Variants in TRDN observed in about 807,000 individuals in gnomAD.
TRDN encodes the protein triadin, also known as triadin in skeletal muscle.
TRDN carries 161 observed loss-of-function variants against 149.7 expected under a neutral mutation model. That is an observed-to-expected ratio of 1.08 (90% CI 0.95 to 1.23). The LOEUF (loss-of-function observed/expected upper bound fraction) is 1.23, where lower values mean the gene tolerates loss of function less well. Ranked by LOEUF, TRDN falls within the 50% of genes most tolerant of loss-of-function variation. TRDN has a pLI of 0.00. For missense variants in TRDN, 896 were observed against 823.5 expected, an observed-to-expected ratio of 1.09 and a Z score of -1.08; for synonymous variants, 294 against 250.5, an observed-to-expected ratio of 1.17 and a Z score of -1.64.
At chr6:123,511,811 A>G (rs1347615122) in intron 7 of TRDN, among the ~76,000 whole-genome samples, 1 of 136,776 alleles carries the variant, frequency 7.3e-6, no homozygotes, top group Admixed American at 7.1e-5. Context: ...ACTTGGAGGC[A>G]GAATTCATAT....
intron 12 of TRDN, 33 bp from the exon 13 acceptor site, chr6:123,393,710 G>C (rs1160300788): frequency 6.4e-7 from 1 of 1,569,214 alleles, no homozygotes; most frequent in Admixed American, 1.8e-5. Context: ...TTACCATGAA[G>C]TATGATTTTG....
chr6:123,432,006 A>G (rs1176880383), intron 12 of TRDN, among the ~76,000 whole-genome samples: 4 of 152,166 alleles, frequency 2.6e-5, no homozygotes, highest in Non-Finnish European at 5.9e-5. Flanking sequence ...TATTTGCCAC[A>G]TACAGTAATT....
intron 5 of TRDN, among the ~76,000 whole-genome samples, chr6:123,526,036 A>G (rs1258296981): frequency 1.3e-5 from 2 of 152,022 alleles, no homozygotes. Flanking sequence ...AGTTTGTGGT[A>G]ATTTGTTACA....
intron 19 of TRDN, among the ~76,000 whole-genome samples, chr6:123,374,189 C>T (rs993109894): frequency 6.6e-6 from 1 of 152,074 alleles, no homozygotes; most frequent in African/African-American, 2.4e-5. Flanking sequence ...TGCTAATTTC[C>T]TGCAAAATAT....
intron 20 of TRDN, among the ~76,000 whole-genome samples, chr6:123,356,639 T>C (rs1400656344): frequency 1.3e-5 from 2 of 149,170 alleles, no homozygotes; most frequent in African/African-American, 4.9e-5. Flanking sequence ...TCTGGAAAAT[T>C]TGATGTAAGA....
Position 123,381,406 on chromosome 6 carries a change from A to G in TRDN, c.1166-16T>C. ...GGTTGTTCTACTGAAAGAAATACAA[A>G]CAAAATCATTGCTCTTAAAACTTTA... On this transcript the variant is annotated splice_polypyrimidine_tract_variant and intron_variant, in intron 15 of 40. Coordinates refer to ENST00000334268, the MANE Select transcript of TRDN (RefSeq NM_006073.4). The G allele has an allele frequency of 6.4e-7, 1 of 1,554,500 alleles. No homozygotes were observed. Among genetic ancestry groups the G allele is most frequent in the Non-Finnish European group, 8.7e-7 (1 of 1,147,478 alleles).
At chr6:123,472,211 T>C (rs990591026) in intron 9 of TRDN, among the ~76,000 whole-genome samples, 2 of 152,098 alleles carry the variant, frequency 1.3e-5, no homozygotes, top group Non-Finnish European at 2.9e-5. Flanking sequence ...TGGGCGCAGG[T>C]CAGTGGGTGC....
At chr6:123,532,118 A>G (rs1780279574) in intron 4 of TRDN, among the ~76,000 whole-genome samples, 1 of 152,092 alleles carries the variant, frequency 6.6e-6, no homozygotes. Flanking sequence ...ACATTTGTGC[A>G]TATTAAGGAC....
intron 38 of TRDN, among the ~76,000 whole-genome samples, chr6:123,225,573 G>C (rs978361591): frequency 6.6e-6 from 1 of 151,222 alleles, no homozygotes; most frequent in Admixed American, 6.6e-5. Flanking sequence ...TGGTAACTAC[G>C]TGAGGTGATG....
chr6:123,603,953 G>A (rs1012020584), intron 1 of TRDN, among the ~76,000 whole-genome samples: 3 of 152,052 alleles, frequency 2.0e-5, no homozygotes, highest in African/African-American at 7.2e-5. Context: ...CCTATATGTT[G>A]TTTAGAAAAT....
At chr6:123,259,462 G>A (rs1195724739) in intron 35 of TRDN, among the ~76,000 whole-genome samples, 162 bp downstream of exon 35, 1 of 152,002 alleles carries the variant, frequency 6.6e-6, no homozygotes, top group African/African-American at 2.4e-5. Flanking sequence ...TATATGTTTT[G>A]CATGATGAAC....
chr6:123,504,552 T>C (rs1195836628), intron 7 of TRDN, among the ~76,000 whole-genome samples: 1 of 152,142 alleles, frequency 6.6e-6, no homozygotes, highest in Non-Finnish European at 1.5e-5. Flanking sequence ...CTCCTGTTTA[T>C]CTTAAGTCAG....
At chr6:123,221,266 A>G (rs1335937499) in intron 40 of TRDN, among the ~76,000 whole-genome samples, 1 of 151,808 alleles carries the variant, frequency 6.6e-6, no homozygotes, top group East Asian at 1.9e-4. Context: ...TGCCACTTCA[A>G]CCATTACTTG....
At chr6:123,606,083 A>G (rs1784514897) in intron 1 of TRDN, among the ~76,000 whole-genome samples, 2 of 152,170 alleles carry the variant, frequency 1.3e-5, no homozygotes, top group Non-Finnish European at 2.9e-5. Context: ...AATTTGCTAA[A>G]TATATTTATA....
intron 23 of TRDN, among the ~76,000 whole-genome samples, chr6:123,331,658 A>T (rs965068296): frequency 1.3e-5 from 2 of 152,002 alleles, no homozygotes; most frequent in African/African-American, 4.8e-5. Flanking sequence ...ACTTTTTAAA[A>T]TTTTTGCAGT....
chr6:123,223,967 T>C (rs898055645), intron 39 of TRDN, 126 bp downstream of exon 39: 42 of 732,940 alleles, frequency 5.7e-5, no homozygotes, highest in Non-Finnish European at 8.7e-5. Flanking sequence ...AAGCCTACCA[T>C]GTAAATGTTG....
chr6:123,529,627 TTTA>T (rs1275704717), intron 5 of TRDN, among the ~76,000 whole-genome samples: 1 of 152,074 alleles, frequency 6.6e-6, no homozygotes, highest in African/African-American at 2.4e-5. Context: ...AACTGTGGTA[TTTA>T]CTACAGATAA....
chr6:123,444,572 T>A (rs1775180721), intron 10 of TRDN, among the ~76,000 whole-genome samples: 2 of 149,902 alleles, frequency 1.3e-5, no homozygotes, highest in South Asian at 4.3e-4. Flanking sequence ...ATAGGAGTGG[T>A]GAGAGAGGGC....
chr6:123,442,738 A>T (rs1774999900), intron 10 of TRDN, among the ~76,000 whole-genome samples: 1 of 152,112 alleles, frequency 6.6e-6, no homozygotes, highest in African/African-American at 2.4e-5. Context: ...TTTAGGTGTG[A>T]CATTTACTGA....
Sources: gnomAD v4.1 joint callset for allele counts (sites outside exome capture counted in the v4.1 genomes callset) on GRCh38, gnomAD v4.1.1 for gene constraint, MANE v1.5 for transcripts, NCBI Gene and HGNC (gene_info 2026-07-23, HGNC 2026-07-21) for gene names.